The following SPIRE2 variants were observed in gnomAD, a reference collection of about 807,000 sequenced individuals.
SPIRE2 encodes the protein protein spire homolog 2.
In SPIRE2, 76 loss-of-function variants were observed where a neutral mutation model predicts 80.7. That is an observed-to-expected ratio of 0.94 (90% CI 0.78 to 1.14). The LOEUF is 1.14. Among genes scored for constraint, SPIRE2 ranks in the 50% most tolerant of loss-of-function variants. The probability of loss-of-function intolerance (pLI) is 0.00; values close to 1 mark genes in which losing one functional copy is unlikely to be tolerated. For missense variants in SPIRE2, 1,196 were observed against 1,015.3 expected, an observed-to-expected ratio of 1.18 and a Z score of -2.42; for synonymous variants, 535 against 432.6, an observed-to-expected ratio of 1.24 and a Z score of -2.94.
At chr16:89,869,433 G>A (rs2041819549) in intron 13 of SPIRE2, 134 bp from the exon 14 acceptor site, 1 of 646,830 alleles carries the variant, frequency 1.5e-6, no homozygotes. Context: ...GGAGAGCACA[G>A]GGACAGAGAA....
chr16:89,851,652 C>T (rs2041629044), intron 3 of SPIRE2, among the ~76,000 whole-genome samples: 1 of 152,172 alleles, frequency 6.6e-6, no homozygotes, highest in Non-Finnish European at 1.5e-5. Context: ...CTCTCAGCCT[C>T]TCCCTGGGCA....
At chr16:89,869,053 A>AAACAAACATATATATATATATATATAT in intron 13 of SPIRE2, among the ~76,000 whole-genome samples, 5 of 24,030 alleles carry the variant, frequency 2.1e-4, no homozygotes, top group African/African-American at 8.2e-4. Context: ...AAAAAAAAAA[A>AAACAAACATATATATATATATATATAT]ATATATATAT....
At chr16:89,835,157 C>A (rs931412140) in intron 1 of SPIRE2, among the ~76,000 whole-genome samples, 1 of 151,366 alleles carries the variant, frequency 6.6e-6, no homozygotes, top group African/African-American at 2.4e-5. Flanking sequence ...CACGGTTGGC[C>A]GTCGTAGAAG....
Position 89,850,579 on chromosome 16 carries a change from T to G in SPIRE2, c.564T>G (p.His188Gln). ...CCGACCCCCGGGGCGCACAGGCGCA[T>G]TACCAGGCCGTGTGCCGCGCGCTCT... ...RLTDPRGAQA[H>Q]YQAVCRALFV... is the part of the protein sequence containing the mutation. Residue 188 changes from histidine (H) to glutamine (Q), a missense_variant, in exon 3 of 15, where the codon CAT (histidine) becomes CAG (glutamine). His to Gln is a conservative substitution (Grantham distance 24). Transcript: ENST00000378247. The G allele has an allele frequency of 6.6e-7, 1 of 1,518,254 alleles. No individual in the cohort carries two copies. The highest frequency in any genetic ancestry group is 8.8e-7 in the Non-Finnish European group (1 of 1,138,050). 94.0% of individuals were successfully genotyped at this position (1,518,254 alleles called of 1,614,324 possible). A position where few individuals can be genotyped will look rare whatever the true frequency, so the allele number is the denominator to read the frequency against.
chr16:89,856,003 G>A (rs1280902439), intron 6 of SPIRE2, 110 bp from the exon 7 acceptor site: 2 of 1,510,422 alleles, frequency 1.3e-6, no homozygotes, highest in African/African-American at 2.8e-5. Context: ...TCCAGAGTGG[G>A]CCCGTGTCAT....
chr16:89,843,161 G>A (rs1298138759), intron 1 of SPIRE2, among the ~76,000 whole-genome samples: 2 of 152,156 alleles, frequency 1.3e-5, no homozygotes, highest in South Asian at 2.1e-4. Flanking sequence ...AGCATCTTGG[G>A]AACCCCGGGG....
intron 2 of SPIRE2, 37 bp from the exon 3 acceptor site, chr16:89,850,267 T>C: frequency 6.5e-7 from 1 of 1,546,356 alleles, no homozygotes. Context: ...CCCACCCCCC[T>C]GCAGTACCGC....
At chr16:89,842,229 T>TTTTTTTTTTTTTTTTC (rs1299656862) in intron 1 of SPIRE2, among the ~76,000 whole-genome samples, 1 of 137,372 alleles carries the variant, frequency 7.3e-6, no homozygotes, top group African/African-American at 3.0e-5. Context: ...TTTTTTTTTT[T>TTTTTTTTTTTTTTTTC]TGTGACGGAG....
Position 89,858,322 on chromosome 16 carries a change from G to A in SPIRE2, c.1103-16G>A. ...CCGTTCACTGGCCCGTCCTGCCTCGGCTCCCGTCTCCCCAGGGTTTGGCTC... is the reference window on the plus strand; with the variant it reads ...CCGTTCACTGGCCCGTCCTGCCTCGACTCCCGTCTCCCCAGGGTTTGGCTC... On this transcript the variant is annotated splice_polypyrimidine_tract_variant and intron_variant, in intron 7 of 14. Transcript: ENST00000378247. 1 of 1,568,576 alleles carries A rather than the reference G, an allele frequency of 6.4e-7. No individual in the cohort carries two copies. Among genetic ancestry groups the A allele is most frequent in the Non-Finnish European group, 8.6e-7 (1 of 1,156,232 alleles).
rs766268526 is a variant in SPIRE2, at chr16:89,859,341, C to T, written c.1449C>T (p.Gly483=). The change falls in exon 9 of 15, where the codon GGC becomes GGT. Residue 483 remains glycine (G), a synonymous_variant. Transcript: ENST00000378247. ...GCAGTGCGCATGTGTGGAGGCCCGG[C>T]TCCCGAGACCAGGGCAAGTGCTGCT... is the stretch of plus-strand genomic sequence containing the variant. ...RAGSAHVWRP[G]SRDQGTCPAS... The T allele has an allele frequency of 6.4e-7, 1 of 1,568,800 alleles. No individual in the cohort carries two copies.
intron 12 of SPIRE2, among the ~76,000 whole-genome samples, chr16:89,866,661 T>C (rs1216378861): frequency 6.9e-6 from 1 of 145,240 alleles, no homozygotes; most frequent in African/African-American, 2.6e-5. Context: ...CAGGCTGGAG[T>C]GCAGTGGCAC....
chr16:89,849,636 C>T (rs550733655), intron 2 of SPIRE2, among the ~76,000 whole-genome samples: 1 of 152,256 alleles, frequency 6.6e-6, no homozygotes, highest in South Asian at 2.1e-4. Flanking sequence ...CTGGGGACCA[C>T]CTGGGCCTGT....
At chr16:89,844,078 CTCAA>C (rs1335565390) in intron 1 of SPIRE2, among the ~76,000 whole-genome samples, 2 of 151,222 alleles carry the variant, frequency 1.3e-5, no homozygotes, top group Admixed American at 6.6e-5. Context: ...TCACTGCAGC[CTCAA>C]CCTCCTGGGC....
chr16:89,869,053 A>AATATATATATATATATATAT (rs1555601129), intron 13 of SPIRE2, among the ~76,000 whole-genome samples: 7 of 24,018 alleles, frequency 2.9e-4, no homozygotes, highest in South Asian at 1.9e-3. Flanking sequence ...AAAAAAAAAA[A>AATATATATATATATATATAT]ATATATATAT....
chr16:89,842,008 G>A (rs1250710757), intron 1 of SPIRE2, among the ~76,000 whole-genome samples: 1 of 151,748 alleles, frequency 6.6e-6, no homozygotes, highest in African/African-American at 2.4e-5. Context: ...GATTACAGGC[G>A]TGAGCCACCG....
chr16:89,857,758 C>T (rs1163275232), intron 7 of SPIRE2, among the ~76,000 whole-genome samples: 3 of 151,690 alleles, frequency 2.0e-5, no homozygotes, highest in Non-Finnish European at 4.4e-5. Flanking sequence ...TTAGTAGAGA[C>T]GGGGTTTCTC....
intron 1 of SPIRE2, among the ~76,000 whole-genome samples, chr16:89,836,956 T>C (rs992126038): frequency 6.6e-6 from 1 of 151,986 alleles, no homozygotes; most frequent in Admixed American, 6.6e-5. Context: ...GATTGCGCCA[T>C]TGCACTCCAG....
At chr16:89,868,780 G>A (rs761121706) in intron 13 of SPIRE2, among the ~76,000 whole-genome samples, 2 of 151,884 alleles carry the variant, frequency 1.3e-5, no homozygotes, top group Non-Finnish European at 2.9e-5. Flanking sequence ...ACTTGAACCC[G>A]GGAGGTGGAG....
intron 1 of SPIRE2, chr16:89,836,366 G>A (rs181082995): frequency 5.9e-5 from 24 of 403,650 alleles, no homozygotes; most frequent in African/African-American, 3.3e-4. Context: ...CGACTGCAGC[G>A]GACCGGGGGC....
Sources: allele counts gnomAD v4.1 joint callset (sites outside exome capture counted in the v4.1 genomes callset), GRCh38; gene constraint gnomAD v4.1.1; transcripts MANE v1.5; gene names NCBI Gene and HGNC (gene_info 2026-07-23, HGNC 2026-07-21).